Variants in CHIA observed in about 807,000 individuals in gnomAD.
CHIA encodes the protein acidic mammalian chitinase.
In CHIA, 47 loss-of-function variants were observed where a neutral mutation model predicts 53.5. The ratio of observed to expected loss-of-function variants is 0.88; its 90% CI spans 0.70 to 1.12. The LOEUF is 1.12. Ranked by LOEUF, CHIA falls within the 50% of genes most tolerant of loss-of-function variation. The pLI is 0.00. For synonymous variants in CHIA, 268 were observed against 222.2 expected, an observed-to-expected ratio of 1.21 and a Z score of -1.83; for missense variants, 652 against 592.2, an observed-to-expected ratio of 1.10 and a Z score of -1.05.
At chr1:111,296,951 G>C (rs561689713) in intron 1 of CHIA, among the ~76,000 whole-genome samples, 1 of 152,312 alleles carries the variant, frequency 6.6e-6, no homozygotes, top group African/African-American at 2.4e-5. Context: ...TAGCTGATTT[G>C]ATCAAATGGA....
intron 1 of CHIA, among the ~76,000 whole-genome samples, chr1:111,294,056 T>G (rs1160803300): frequency 6.6e-6 from 1 of 151,456 alleles, no homozygotes; most frequent in African/African-American, 2.5e-5. Context: ...CACTCGAGCC[T>G]GGGTGACAGA....
intron 1 of CHIA, among the ~76,000 whole-genome samples, chr1:111,297,076 G>C (rs1317289631): frequency 2.0e-5 from 3 of 152,206 alleles, no homozygotes; most frequent in Non-Finnish European, 4.4e-5. Flanking sequence ...GGGACCATGT[G>C]AAAAGACCAA....
chr1:111,311,810 G>A, intron 3 of CHIA, 92 bp downstream of exon 3: 2 of 1,356,464 alleles, frequency 1.5e-6, no homozygotes, highest in Non-Finnish European at 2.1e-6. Flanking sequence ...TTCACAGACA[G>A]ATGGGTTTGA....
chr1:111,294,490 C>G (rs1406694875), intron 1 of CHIA, among the ~76,000 whole-genome samples: 1 of 151,928 alleles, frequency 6.6e-6, no homozygotes, highest in Non-Finnish European at 1.5e-5. Context: ...TATATAAGAC[C>G]ACATCTGCAG....
chr1:111,300,695 C>T (rs1168577584), intron 1 of CHIA, among the ~76,000 whole-genome samples: 1 of 152,058 alleles, frequency 6.6e-6, no homozygotes, highest in Non-Finnish European at 1.5e-5. Flanking sequence ...GACTAAAACA[C>T]CAAAGGAATG....
intron 1 of CHIA, among the ~76,000 whole-genome samples, chr1:111,304,641 ATCATTTTCT>A (rs1436383469): frequency 1.3e-5 from 2 of 152,174 alleles, no homozygotes; most frequent in Non-Finnish European, 2.9e-5. Flanking sequence ...TTGTTCATAC[ATCATTTTCT>A]TCATTCTCTA....
In CHIA at chr1:111,293,783, CA is replaced by C. The variant is rs542845063; in HGVS notation, c.-69+2838del. On this transcript the variant is annotated intron_variant, in intron 1 of 11. Coordinates refer to ENST00000369740, the MANE Select transcript of CHIA (RefSeq NM_201653.4). ...TTGCCTATGATGTTAGAAAATGGCC[CA>C]AAAACATCAATGGGGCCAGATGTGG... is the stretch of plus-strand genomic sequence containing the variant. 2.9e-3 allele frequency among the ~76,000 whole-genome samples: 439 copies of C among 152,170 alleles called. 3 individuals are homozygous for C. Among genetic ancestry groups the C allele is most frequent in the African/African-American group, 0.01 (415 of 41,496 alleles).
At chr1:111,297,901 C>CAAAAAGAAAA (rs1647316347) in intron 1 of CHIA, among the ~76,000 whole-genome samples, 1 of 31,854 alleles carries the variant, frequency 3.1e-5, no homozygotes, top group Non-Finnish European at 5.0e-5. Flanking sequence ...AAATGGAAAG[C>CAAAAAGAAAA]AAAAAAAAAA....
intron 1 of CHIA, among the ~76,000 whole-genome samples, chr1:111,294,071 G>A (rs1661195722): frequency 6.6e-6 from 1 of 151,524 alleles, no homozygotes; most frequent in African/African-American, 2.4e-5. Flanking sequence ...GACAGAGTGA[G>A]ACCCTGTCTC....
rs780819269 is a variant in CHIA, at chr1:111,320,491, G to T, written c.*25G>T. ...AACCTGACCTGGTCTATATTCCCTA[G>T]AGTTCCAGTCTCTTTTGCTTAGGAC... On this transcript the variant is annotated 3_prime_UTR_variant, in exon 12 of 12. Transcript: ENST00000369740. The T allele has an allele frequency of 7.7e-5, 123 of 1,602,960 alleles. No individual in the cohort carries two copies. Among genetic ancestry groups the T allele is most frequent in the Non-Finnish European group, 1.0e-4 (121 of 1,170,992 alleles).
At chr1:111,310,251 T>C in intron 1 of CHIA, 149 bp from the exon 2 acceptor site, 1 of 901,994 alleles carries the variant, frequency 1.1e-6, no homozygotes, top group East Asian at 2.8e-5. Context: ...GCCATGACAT[T>C]GTTCTGTCCT....
intron 1 of CHIA, among the ~76,000 whole-genome samples, chr1:111,294,200 A>G (rs1661203961): frequency 1.3e-5 from 2 of 152,218 alleles, no homozygotes; most frequent in Non-Finnish European, 2.9e-5. Context: ...ACTCATGAAC[A>G]TGGGGCATGT....
intron 2 of CHIA, 71 bp from the exon 3 acceptor site, chr1:111,311,618 A>C: frequency 6.5e-7 from 1 of 1,548,346 alleles, no homozygotes; most frequent in Non-Finnish European, 8.9e-7. Context: ...GAAGGCAATC[A>C]ATCCTTCAGA....
At chr1:111,315,163 C>A in intron 5 of CHIA, 107 bp from the exon 6 acceptor site, 2 of 762,448 alleles carry the variant, frequency 2.6e-6, no homozygotes, top group Non-Finnish European at 4.5e-6. Context: ...TTACTCTGGG[C>A]TGTGGGTCCT....
chr1:111,317,496 C>G (rs747465295), intron 6 of CHIA, 185 bp from the exon 7 acceptor site: 26 of 622,750 alleles, frequency 4.2e-5, no homozygotes, highest in Non-Finnish European at 6.4e-5. Context: ...TATTAGATAG[C>G]CAGAAAATTC....
chr1:111,299,222 T>C (rs1482147715), intron 1 of CHIA, among the ~76,000 whole-genome samples: 1 of 152,178 alleles, frequency 6.6e-6, no homozygotes, highest in Non-Finnish European at 1.5e-5. Flanking sequence ...GAGGGAATCC[T>C]CCCTAACTCA....
intron 6 of CHIA, chr1:111,315,824 C>T: frequency 2.2e-6 from 1 of 451,326 alleles, no homozygotes; most frequent in Non-Finnish European, 4.4e-6. Flanking sequence ...AGTTTGGCCA[C>T]AGAGTCCATT....
At chr1:111,320,184 T>C (rs771591815) in intron 11 of CHIA, 29 bp from the exon 12 acceptor site, 19 of 1,600,376 alleles carry the variant, frequency 1.2e-5, no homozygotes, top group Non-Finnish European at 8.5e-7. Context: ...CCAAGCCCAC[T>C]AGTCTGCTCT....
intron 1 of CHIA, among the ~76,000 whole-genome samples, chr1:111,305,377 C>T (rs560220376): frequency 1.3e-5 from 2 of 152,258 alleles, no homozygotes; most frequent in East Asian, 1.9e-4. Context: ...GACTGCCTAC[C>T]TCTTTGTCTG....
Sources: gnomAD v4.1 joint callset for allele counts (sites outside exome capture counted in the v4.1 genomes callset) on GRCh38, gnomAD v4.1.1 for gene constraint, MANE v1.5 for transcripts, NCBI Gene and HGNC (gene_info 2026-07-23, HGNC 2026-07-21) for gene names.